PUS7: variants seen among roughly 807,000 people sequenced by gnomAD.
The protein encoded by PUS7 is pseudouridylate synthase 7 homolog.
Under a neutral mutation model 79.8 loss-of-function variants are expected in PUS7, and 48 were observed. The observed-to-expected ratio is 0.60, with a 90% CI of 0.48 to 0.76. PUS7 has a LOEUF of 0.76. Ranked by LOEUF, PUS7 falls within the 30% of genes least tolerant of loss-of-function variation. The pLI is 0.00. For missense variants in PUS7, 729 were observed against 797.6 expected (o/e 0.91, Z 1.04); for synonymous variants, 286 against 272.2 (o/e 1.05, Z -0.50).
At chr7:105,493,695 G>C (rs1224003396) in intron 6 of PUS7, among the ~76,000 whole-genome samples, 1 of 152,088 alleles carries the variant, frequency 6.6e-6, no homozygotes, top group Non-Finnish European at 1.5e-5. Context: ...AGAGGAAATG[G>C]GGACACACAC....
At position 105,462,660 on chromosome 7, in the gene PUS7, G is replaced by T; in HGVS notation, c.1718C>A (p.Ala573Asp). The T allele has an allele frequency of 6.2e-7, 1 of 1,613,640 alleles. No individual in the cohort carries two copies. Among genetic ancestry groups the T allele is most frequent in the Non-Finnish European group, 8.5e-7 (1 of 1,179,852 alleles). Residue 573 changes from alanine (A) to aspartate (D), a missense_variant, in exon 14 of 16, where the codon GCC becomes GAC. By Grantham distance (126) the Ala-to-Asp change is moderately radical. Transcript: ENST00000469408. Reference protein sequence around the residue: ...HKIRDYSLSGAYRKIIIRPQN... With the variant: ...HKIRDYSLSGDYRKIIIRPQN... ...AGGACGAATAATGATCTTTCGGTAG[G>T]CCCCTGACAAGGAATAATCTCGAAT...
chr7:105,506,879 A>G (rs566709210), intron 2 of PUS7, among the ~76,000 whole-genome samples: 6 of 152,300 alleles, frequency 3.9e-5, no homozygotes, highest in Admixed American at 3.9e-4. Flanking sequence ...GGCAGCCCAC[A>G]CTAAATTAAA....
Position 105,462,682 on chromosome 7 carries a change from G to T in PUS7, c.1696C>A (p.Arg566=), listed in dbSNP as rs1164064186. 1.2e-6 allele frequency: 2 copies of T among 1,613,682 alleles called. No homozygotes were observed. The highest frequency in any genetic ancestry group is 2.2e-5 in the East Asian group (1 of 44,858). ...TAGGCCCCTGACAAGGAATAATCTC[G>T]AATTTTGTGTCTCATGTTGTCAATA... ...LDIDNMRHKI[R]DYSLSGAYRK... is the part of the protein sequence containing the mutation. The change falls in exon 14 of 16, where the codon CGA becomes AGA. Residue 566 remains arginine, a synonymous_variant. Transcript: ENST00000469408.
At chr7:105,491,473 T>G (rs1824776722) in intron 7 of PUS7, 67 bp downstream of exon 7, 1 of 1,036,854 alleles carries the variant, frequency 9.6e-7, no homozygotes, top group Non-Finnish European at 1.4e-6. Flanking sequence ...CAAAGTAAAT[T>G]TGAGAATTCT....
Position 105,496,218 on chromosome 7 carries a change from TATATATATAGAGAGAG to T in PUS7, c.731-981_731-966del, listed in dbSNP as rs1216978650. Among the ~76,000 whole-genome samples, 252 of 81,832 alleles carry T rather than the reference TATATATATAGAGAGAG, an allele frequency of 3.1e-3. 1 individual carries two copies. Among genetic ancestry groups the T allele is most frequent in the African/African-American group, 0.011 (203 of 18,984 alleles). The allele number at this position is 81,832 out of a possible 152,430, so 53.7% of individuals were successfully genotyped here. A position where few individuals can be genotyped will look rare whatever the true frequency, so the allele number is the denominator to read the frequency against. On this transcript the variant is annotated intron_variant, in intron 5 of 15. Coordinates refer to ENST00000469408, the MANE Select transcript of PUS7 (RefSeq NM_019042.5). ...ACACATATATATATATATATATATA[TATATATATAGAGAGAG>T]AGAGAGAGAGAGAGAGAGAGGGAGA...
chr7:105,490,301 C>A (rs1363168203), intron 7 of PUS7, among the ~76,000 whole-genome samples: 1 of 152,066 alleles, frequency 6.6e-6, no homozygotes, highest in African/African-American at 2.4e-5. Flanking sequence ...GCATCCATCA[C>A]CCCCAGAAGT....
chr7:105,497,376 TAGTG>T (rs1189320819), intron 5 of PUS7, among the ~76,000 whole-genome samples: 2 of 152,244 alleles, frequency 1.3e-5, no homozygotes, highest in Non-Finnish European at 2.9e-5. Context: ...TTTTTTTTGA[TAGTG>T]AGACAAGTAA....
At chr7:105,486,393 T>C (rs982582015) in intron 7 of PUS7, among the ~76,000 whole-genome samples, 4 of 151,944 alleles carry the variant, frequency 2.6e-5, no homozygotes, top group Non-Finnish European at 4.4e-5. Context: ...CTTATATAAC[T>C]TTTTCTTCCT....
intron 1 of PUS7, among the ~76,000 whole-genome samples, chr7:105,511,883 C>T (rs1264385592): frequency 5.3e-5 from 8 of 151,926 alleles, no homozygotes; most frequent in African/African-American, 1.7e-4. Flanking sequence ...CAGTGGCTCA[C>T]GCCTGTAATC....
chr7:105,508,190 C>T lies in PUS7; in HGVS notation c.323G>A (p.Gly108Glu), dbSNP rs144060501. ...GATGCCTACGTCAGCCTCAGTGAGT[C>T]CATGCTTCATCATGTCTGCAAAACT... ...SESFADMMKHGLTEADVGITK... is the reference protein window; with the variant it reads ...SESFADMMKHELTEADVGITK... The change falls in exon 2 of 16, where the codon GGA (glycine) becomes GAA (glutamate). Residue 108 changes from glycine (G) to glutamate (E), a missense_variant. Transcript: ENST00000469408. The T allele has an allele frequency of 2.5e-6, 4 of 1,614,128 alleles. No individual in the cohort carries two copies. Among genetic ancestry groups the T allele is most frequent in the Non-Finnish European group, 2.5e-6 (3 of 1,180,016 alleles).
intron 4 of PUS7, among the ~76,000 whole-genome samples, chr7:105,504,136 C>CTTTTTTTGTATTT (rs1586165458): frequency 1.4e-5 from 2 of 147,718 alleles, no homozygotes; most frequent in Admixed American, 6.8e-5. Flanking sequence ...ATGGCACGAT[C>CTTTTTTTGTATTT]TCGGCTCACT....
Position 105,508,234 on chromosome 7 carries a change from G to C in PUS7, c.279C>G (p.Cys93Trp), listed in dbSNP as rs144317551. 68 of 1,613,704 alleles carry C rather than the reference G, an allele frequency of 4.2e-5. No individual in the cohort carries two copies. Among genetic ancestry groups the C allele is most frequent in the Non-Finnish European group, 5.5e-5 (65 of 1,179,988 alleles). ...CAAAACTCTCTGATTCCTCCTCCTCGCACTCCTCTGAAAGTCCATCTTCCT... is the reference window on the plus strand; with the variant it reads ...CAAAACTCTCTGATTCCTCCTCCTCCCACTCCTCTGAAAGTCCATCTTCCT... ...EEEEDGLSEE[C>W]EEEESESFAD... Residue 93 changes from cysteine (C) to tryptophan (W), a missense_variant, in exon 2 of 16, where the codon TGC becomes TGG. Coordinates refer to ENST00000469408, the MANE Select transcript of PUS7 (RefSeq NM_019042.5).
intron 7 of PUS7, among the ~76,000 whole-genome samples, chr7:105,487,806 A>G (rs1180945609): frequency 6.6e-6 from 1 of 152,180 alleles, no homozygotes; most frequent in Non-Finnish European, 1.5e-5. Flanking sequence ...GAAAAGAAAC[A>G]AATCATTCTG....
Position 105,476,243 on chromosome 7 carries a change from C to G in PUS7, c.1176-4050G>C, listed in dbSNP as rs556605663. On this transcript the variant is annotated intron_variant, in intron 9 of 15. Coordinates refer to ENST00000469408, the MANE Select transcript of PUS7 (RefSeq NM_019042.5). ...GGTTGCCTGGGTATCTCCTACCTTT[C>G]GGCTATTGTGAATGCTGCTATTATG... Among the ~76,000 whole-genome samples the G allele has an allele frequency of 1.8e-4, 28 of 151,830 alleles. No homozygotes were observed. The East Asian group carries it at 4.6e-3, about 25-fold the overall frequency.
rs1825552280 is a variant in PUS7 at position 105,508,278 on chromosome 7, C to T, written c.235G>A (p.Glu79Lys). ...KGGKNSEAQLEDEEEEEEDGL... is the reference protein window; with the variant it reads ...KGGKNSEAQLKDEEEEEEDGL... ...TCTTCCTCCTCTTCTTCCTCATCTT[C>T]CAACTGAGCCTCAGAATTCTTTCCA... Residue 79 changes from glutamate to lysine, a missense_variant, in exon 2 of 16, where the codon GAA becomes AAA. By Grantham distance (56) the Glu-to-Lys change is moderately conservative. Coordinates refer to ENST00000469408, the MANE Select transcript of PUS7 (RefSeq NM_019042.5). 1.2e-6 allele frequency: 2 copies of T among 1,614,044 alleles called. No individual in the cohort carries two copies. Among genetic ancestry groups the T allele is most frequent in the African/African-American group, 1.3e-5 (1 of 74,918 alleles).
chr7:105,498,029 C>T (rs1825105954), intron 5 of PUS7, among the ~76,000 whole-genome samples: 1 of 152,176 alleles, frequency 6.6e-6, no homozygotes, highest in African/African-American at 2.4e-5. Flanking sequence ...AGCCACAAGA[C>T]TCAAAAACTA....
chr7:105,495,219 TC>T lies in PUS7; in HGVS notation c.764del (p.Gly255GlufsTer26), dbSNP rs1461739694. ...PRKHSWPKSR[G>X]SYCHFVLYKE... ...TATATAGTACGAAGTGGCAGTAACTTCCCCTAGATTTTGGCCAAGAATGTTT... is the reference window on the plus strand; with the variant it reads ...TATATAGTACGAAGTGGCAGTAACTTCCCTAGATTTTGGCCAAGAATGTTT... On this transcript the variant is annotated frameshift_variant, in exon 6 of 16. Transcript: ENST00000469408. LOFTEE classifies it high-confidence loss of function. 6.2e-7 allele frequency: 1 copy of T among 1,612,490 alleles called. No individual in the cohort carries two copies. Among genetic ancestry groups the T allele is most frequent in the Non-Finnish European group, 8.5e-7 (1 of 1,179,032 alleles).
At chr7:105,475,863 A>T (rs1377692950) in intron 9 of PUS7, among the ~76,000 whole-genome samples, 3 of 152,066 alleles carry the variant, frequency 2.0e-5, no homozygotes, top group Non-Finnish European at 4.4e-5. Flanking sequence ...CCAGCCCCCT[A>T]ACCTCTGTAA....
chr7:105,509,528 T>C (rs1335208521), intron 1 of PUS7, among the ~76,000 whole-genome samples: 1 of 152,190 alleles, frequency 6.6e-6, no homozygotes, highest in Non-Finnish European at 1.5e-5. Flanking sequence ...TGGTGTGCAG[T>C]GGCATGATCA....
Sources: allele counts gnomAD v4.1 joint callset (sites outside exome capture counted in the v4.1 genomes callset), GRCh38; gene constraint gnomAD v4.1.1; transcripts MANE v1.5; gene names NCBI Gene and HGNC (gene_info 2026-07-23, HGNC 2026-07-21).